CLN6: variants seen among roughly 807,000 people sequenced by gnomAD.
The protein encoded by CLN6 is CLN6 transmembrane ER protein.
CLN6 carries 22 observed loss-of-function variants against 33.3 expected under a neutral mutation model. That is an observed-to-expected ratio of 0.66 (90% CI 0.47 to 0.94). CLN6 has a LOEUF of 0.94. CLN6 is among the 40% of genes least tolerant of loss of function. CLN6 has a pLI of 0.00. For missense variants in CLN6, 387 were observed against 417.1 expected (o/e 0.93, Z 0.63); for synonymous variants, 201 against 174.6 (o/e 1.15, Z -1.19).
At chr15:68,232,585 C>T (rs2093269933), upstream of CLN6, among the ~76,000 whole-genome samples, 1 of 152,246 alleles carries the variant, frequency 6.6e-6, no homozygotes, top group African/African-American at 2.4e-5. The surrounding 1 kb of genome is among the most constrained non-coding windows in gnomAD (Gnocchi z 4.7). Flanking sequence ...ACTGCACCTC[C>T]TCTCCCCTTG....
Position 68,218,659 on chromosome 15 carries a change from G to T in CLN6, c.84-9C>A. ...CGCTCACAGAGCCATGCCTGGGAAG[G>T]AACCAGACGAGAGAAGTCAGCTCTT... On this transcript the variant is annotated splice_polypyrimidine_tract_variant and intron_variant, in intron 1 of 6. Coordinates refer to ENST00000249806, the MANE Select transcript of CLN6 (RefSeq NM_017882.3). 1.2e-6 allele frequency: 2 copies of T among 1,607,174 alleles called. No individual in the cohort carries two copies. The highest frequency in any genetic ancestry group is 1.7e-6 in the Non-Finnish European group (2 of 1,174,176).
In CLN6 at chr15:68,211,257, A is replaced by T; in HGVS notation, c.542+6T>A. The T allele has an allele frequency of 6.2e-7, 1 of 1,613,808 alleles. No homozygotes were observed. The highest frequency in any genetic ancestry group is 8.5e-7 in the Non-Finnish European group (1 of 1,179,812). On this transcript the variant is annotated splice_donor_region_variant and intron_variant, in intron 5 of 6. Transcript: ENST00000249806. The surrounding 1 kb of genome is among the most constrained non-coding windows in gnomAD (Gnocchi z 5.9). ...CCTGGGATAGACAGATGGGCCCATC[A>T]CTCACCACATGCAGTGACCCAGGTA...
Position 68,207,740 on chromosome 15 carries a change from G to T in CLN6, c.*400C>A, listed in dbSNP as rs2093191140. The T allele has an allele frequency of 2.2e-5, 7 of 313,176 alleles. No homozygotes were observed. Among genetic ancestry groups the T allele is most frequent in the South Asian group, 2.1e-4 (7 of 33,066 alleles). 19.4% of individuals were successfully genotyped at this position (313,176 alleles called of 1,614,324 possible). ...AGGTGGTGGGCAGGTGACACACCAGGTCCCCTCCTGGCCTCTGCCCCACCC... is the reference window on the plus strand; with the variant it reads ...AGGTGGTGGGCAGGTGACACACCAGTTCCCCTCCTGGCCTCTGCCCCACCC... On this transcript the variant is annotated 3_prime_UTR_variant, in exon 7 of 7. Transcript: ENST00000249806.
rs567040908 is a variant in CLN6 at position 68,209,965 on chromosome 15, C to T, written c.543-206G>A. ...GAAACAGAAACAGGAAGGCAACGCA[C>T]GTGTGAGTCAGAGGCCCAGAGGCAT... On this transcript the variant is annotated intron_variant, in intron 5 of 6. Coordinates refer to ENST00000249806, the MANE Select transcript of CLN6 (RefSeq NM_017882.3). This position sits in a 1 kb window ranked among gnomAD's most constrained non-coding sequence, Gnocchi z 4.9. 4.7e-4 allele frequency among the ~76,000 whole-genome samples: 72 copies of T among 152,260 alleles called. No homozygotes were observed. Among genetic ancestry groups the T allele is most frequent in the Non-Finnish European group, 9.0e-4 (61 of 68,010 alleles).
rs1473742553 is a variant in CLN6 at position 68,210,524 on chromosome 15, G to T, written c.542+739C>A. The stretch of plus-strand genomic sequence containing the variant: ...AATGCCCGTGCAGGGTGCGTGTGCT[G>T]TGAGCACCAACTCAGGAGTGAGCCG... On this transcript the variant is annotated intron_variant, in intron 5 of 6. Transcript: ENST00000249806. The surrounding 1 kb of genome is among the most constrained non-coding windows in gnomAD (Gnocchi z 5.6). 6.6e-6 allele frequency among the ~76,000 whole-genome samples: 1 copy of T among 152,208 alleles called. No homozygotes were observed.
intron 1 of CLN6, among the ~76,000 whole-genome samples, chr15:68,254,189 A>AT (rs148565939): frequency 1.3e-5 from 2 of 152,048 alleles, no homozygotes; most frequent in East Asian, 1.9e-4. Flanking sequence ...AAAACTACAT[A>AT]TTTTTTTAAA....
chr15:68,241,623 G>A lies in CLN6; in HGVS notation c.179+15067C>T, dbSNP rs571538460. Among the ~76,000 whole-genome samples, 1 of 151,976 alleles carries A rather than the reference G, an allele frequency of 6.6e-6. No homozygotes were observed. The highest frequency in any genetic ancestry group is 2.4e-5 in the African/African-American group (1 of 41,552). On this transcript the variant is annotated intron_variant, in intron 1 of 6. Coordinates refer to the CLN6 transcript ENST00000538696. The surrounding 1 kb of genome is among the most constrained non-coding windows in gnomAD (Gnocchi z 4.2). ...GGACACTGAGAGACCAAGGAGGGAG[G>A]TGGGGATACTATCCCTAGCCCTAGA...
chr15:68,208,528 C>T lies in CLN6; in HGVS notation c.666-118G>A. 1.8e-6 allele frequency: 2 copies of T among 1,107,036 alleles called. No homozygotes were observed. The highest frequency in any genetic ancestry group is 2.7e-6 in the Non-Finnish European group (2 of 748,032). 68.6% of individuals were successfully genotyped at this position (1,107,036 alleles called of 1,614,324 possible). Reference sequence around the variant, plus strand: ...GGCAGGCAGAAGAGTCCTCTGGTGCCAGGGCTCAGAGAACTATGCCGCTCT... The same window carrying T: ...GGCAGGCAGAAGAGTCCTCTGGTGCTAGGGCTCAGAGAACTATGCCGCTCT... On this transcript the variant is annotated intron_variant, in intron 6 of 6. Transcript: ENST00000249806. This position sits in a 1 kb window ranked among gnomAD's most constrained non-coding sequence, Gnocchi z 5.8.
rs956493858 is a variant in CLN6, at chr15:68,214,287, T to C, written c.297+3A>G. The C allele has an allele frequency of 6.2e-7, 1 of 1,608,776 alleles. No individual in the cohort carries two copies. The highest frequency in any genetic ancestry group is 8.5e-7 in the Non-Finnish European group (1 of 1,175,208). ...GGAGAGAGTGGGGGCCCTGGGACAGTACCTTGAGCAAGAGAAAGGGCGTGA... is the reference window on the plus strand; with the variant it reads ...GGAGAGAGTGGGGGCCCTGGGACAGCACCTTGAGCAAGAGAAAGGGCGTGA... On this transcript the variant is annotated splice_donor_region_variant and intron_variant, in intron 3 of 6. Coordinates refer to ENST00000249806, the MANE Select transcript of CLN6 (RefSeq NM_017882.3).
At chr15:68,239,008 T>G (rs117202218) in intron 1 of CLN6, among the ~76,000 whole-genome samples, 1,682 of 152,280 alleles carry the variant, frequency 0.011, 20 homozygotes, top group Non-Finnish European at 0.017. Flanking sequence ...CTATTCTAAG[T>G]TCTTTGTATT....
chr15:68,211,846 G>A lies in CLN6; in HGVS notation c.315C>T (p.Pro105=), dbSNP rs975223501. The change falls in exon 4 of 7, where the codon CCC becomes CCT. Residue 105 remains proline, a synonymous_variant. Coordinates refer to ENST00000249806, the MANE Select transcript of CLN6 (RefSeq NM_017882.3). The surrounding 1 kb of genome is among the most constrained non-coding windows in gnomAD (Gnocchi z 5.9). ...FLLLKLIERS[P]RTLPRSITYV... ...ACGTGATGGAGCGTGGCAGGGTGCG[G>A]GGGGACCGCTCGATGAGCTGGGGTT... The A allele has an allele frequency of 6.2e-7, 1 of 1,613,734 alleles. No homozygotes were observed. Among genetic ancestry groups the A allele is most frequent in the Non-Finnish European group, 8.5e-7 (1 of 1,180,008 alleles).
rs951020984 is a variant in CLN6, at chr15:68,227,945, G to A, written c.83+1557C>T. ...GATTCGGAACAGAGACATCCCGCAG[G>A]CAGAAGAGGCTGCCTGGAAGAGGGG... On this transcript the variant is annotated intron_variant, in intron 1 of 6. Transcript: ENST00000249806. This position sits in a 1 kb window ranked among gnomAD's most constrained non-coding sequence, Gnocchi z 4.1. 7.9e-5 allele frequency among the ~76,000 whole-genome samples: 12 copies of A among 152,184 alleles called. No individual in the cohort carries two copies. Among genetic ancestry groups the A allele is most frequent in the African/African-American group, 2.9e-4 (12 of 41,442 alleles).
Position 68,229,613 on chromosome 15 carries a change from C to A in CLN6, c.-29G>T, listed in dbSNP as rs1057523327. ...TGCCCCGCAGGCCCCTCGGCCCTGC[C>A]TTTCCGAGGAAGAGACCGGTTCAGC... On this transcript the variant is annotated 5_prime_UTR_variant, in exon 1 of 7. In the 5' UTR this introduces an upstream ATG that the reference lacks. Transcript: ENST00000249806. 1 of 1,444,676 alleles carries A rather than the reference C, an allele frequency of 6.9e-7. No homozygotes were observed. The highest frequency in any genetic ancestry group is 1.5e-5 in the African/African-American group (1 of 67,580). The allele number at this position is 1,444,676 out of a possible 1,614,324, so 89.5% of individuals were successfully genotyped here.
chr15:68,239,953 AAAAG>A (rs1181127382), intron 1 of CLN6, among the ~76,000 whole-genome samples: 1 of 152,254 alleles, frequency 6.6e-6, no homozygotes, highest in Non-Finnish European at 1.5e-5. Flanking sequence ...GCATAAAAGA[AAAAG>A]AAGTGACACA....
intron 1 of CLN6, among the ~76,000 whole-genome samples, chr15:68,248,652 CAA>C (rs34923729): frequency 6.4e-4 from 66 of 103,782 alleles, no homozygotes; most frequent in African/African-American, 6.7e-4. Context: ...GACTCCGTCT[CAA>C]AAAAAAAAAA....
At position 68,247,774 on chromosome 15, in the gene CLN6, A is replaced by C. The variant is rs1892341618; in HGVS notation, c.179+8916T>G. Among the ~76,000 whole-genome samples the C allele has an allele frequency of 6.6e-6, 1 of 152,190 alleles. No individual in the cohort carries two copies. Among genetic ancestry groups the C allele is most frequent in the Non-Finnish European group, 1.5e-5 (1 of 68,040 alleles). On this transcript the variant is annotated intron_variant, in intron 1 of 6. Coordinates refer to the CLN6 transcript ENST00000538696. The surrounding 1 kb of genome is among the most constrained non-coding windows in gnomAD (Gnocchi z 4.2). Reference sequence around the variant, plus strand: ...TCAGGCATGGTGGCTCATGCCTGTAATCTGAGCACTTTGGGAGGCTGAGCT... The same window carrying C: ...TCAGGCATGGTGGCTCATGCCTGTACTCTGAGCACTTTGGGAGGCTGAGCT...
chr15:68,224,265 C>CAAAAAAAAAA, intron 1 of CLN6, among the ~76,000 whole-genome samples: 1 of 46,720 alleles, frequency 2.1e-5, no homozygotes, highest in Non-Finnish European at 3.2e-5. Context: ...GACCTTATTG[C>CAAAAAAAAAA]AAAAAAAAAA....
rs1262194631 is a variant in CLN6 at position 68,208,485 on chromosome 15, G to C, written c.666-75C>G. Reference sequence around the variant, plus strand: ...GCCTGGCATCCCTTCCTGTGTGCGAGAGCCAGGCTGCCCTCCAGGCAGGCA... The same window carrying C: ...GCCTGGCATCCCTTCCTGTGTGCGACAGCCAGGCTGCCCTCCAGGCAGGCA... On this transcript the variant is annotated intron_variant, in intron 6 of 6. Transcript: ENST00000249806. This position sits in a 1 kb window ranked among gnomAD's most constrained non-coding sequence, Gnocchi z 5.8. The C allele has an allele frequency of 6.4e-7, 1 of 1,556,796 alleles. No individual in the cohort carries two copies. The highest frequency in any genetic ancestry group is 8.8e-7 in the Non-Finnish European group (1 of 1,139,238).
rs59778577 is a variant in CLN6, at chr15:68,256,507, CCAATA to C, written c.179+178_179+182del. On this transcript the variant is annotated intron_variant, in intron 1 of 6. Coordinates refer to the CLN6 transcript ENST00000538696. The surrounding 1 kb of genome is among the most constrained non-coding windows in gnomAD (Gnocchi z 4.1). Reference sequence around the variant, plus strand: ...GGCAGCACTGCTCTAGCCGTTATTACCAATACAATACTTGTGTTATAGCACTCCTG... The same window carrying C: ...GGCAGCACTGCTCTAGCCGTTATTACCAATACTTGTGTTATAGCACTCCTG... Among the ~76,000 whole-genome samples the C allele has an allele frequency of 0.84, 127,642 of 151,938 alleles. 57,704 individuals carry two copies. Among genetic ancestry groups the C allele is most frequent in the Non-Finnish European group, 0.99 (67,252 of 67,958 alleles).
Sources: allele counts gnomAD v4.1 joint callset (sites outside exome capture counted in the v4.1 genomes callset), GRCh38; gene constraint gnomAD v4.1.1; non-coding constraint Gnocchi (gnomAD v3.1); transcripts MANE v1.5; gene names NCBI Gene and HGNC (gene_info 2026-07-23, HGNC 2026-07-21).